Variants in SAMD9L observed in about 807,000 individuals in gnomAD.
SAMD9L encodes the protein sterile alpha motif domain containing 9 like, also known as sterile alpha motif domain-containing protein 9-like.
In SAMD9L, 68 loss-of-function variants were observed where a neutral mutation model predicts 90.7. The observed-to-expected ratio is 0.75, with a 90% CI of 0.62 to 0.92. SAMD9L has a LOEUF of 0.92. Among genes scored for constraint, SAMD9L ranks in the 40% least tolerant of loss-of-function variants. The pLI is 0.00. For synonymous variants in SAMD9L, 640 were observed against 630.1 expected, an observed-to-expected ratio of 1.02 and a Z score of -0.23; for missense variants, 1,604 against 1,824.3, an observed-to-expected ratio of 0.88 and a Z score of 2.20.
intron 1 of SAMD9L, among the ~76,000 whole-genome samples, chr7:93,147,856 G>A (rs987419023): frequency 5.9e-5 from 9 of 152,078 alleles, no homozygotes; most frequent in Non-Finnish European, 1.3e-4. Context: ...AAGATCACAC[G>A]TTCCTTTAGA....
intron 4 of SAMD9L, among the ~76,000 whole-genome samples, chr7:93,136,907 C>T (rs1294814140): frequency 2.0e-5 from 3 of 152,032 alleles, no homozygotes; most frequent in African/African-American, 4.8e-5. Context: ...CAGACAAGAC[C>T]AACAGCAGTG....
In SAMD9L at chr7:93,132,057, T is replaced by C. The variant is rs140467160; in HGVS notation, c.3915A>G (p.Glu1305=). 6.4e-5 allele frequency: 103 copies of C among 1,613,562 alleles called. 1 individual carries two copies. The highest frequency in any genetic ancestry group is 8.3e-5 in the Non-Finnish European group (98 of 1,179,822). ...KVSRCFRKYT[E]LFCHLDPCLL... ...GACATGGATCCAAATGACAGAAAAG[T>C]TCTGTGTATTTCCTGAAACAACGAC... Residue 1305 remains glutamate, a synonymous_variant, in exon 5 of 5, where the codon GAA becomes GAG. Coordinates refer to ENST00000318238, the MANE Select transcript of SAMD9L (RefSeq NM_152703.5).
rs1792903463 is a variant in SAMD9L, at chr7:93,146,702, A to G, written c.-779+181T>C. 2.0e-5 allele frequency among the ~76,000 whole-genome samples: 3 copies of G among 152,350 alleles called. No individual in the cohort carries two copies. In the South Asian group the frequency reaches 6.2e-4, roughly 32 times the overall value. The stretch of plus-strand genomic sequence containing the variant: ...AATTATTTCGCTTGGCTGGAACTCC[A>G]GGTAGAAATCTGGGGAAATCTCTTT... On this transcript the variant is annotated intron_variant, in intron 2 of 4. Coordinates refer to ENST00000318238, the MANE Select transcript of SAMD9L (RefSeq NM_152703.5).
At chr7:93,148,033 A>G (rs1792959457) in intron 1 of SAMD9L, among the ~76,000 whole-genome samples, 161 bp downstream of exon 1, 1 of 152,352 alleles carries the variant, frequency 6.6e-6, no homozygotes, top group Admixed American at 6.5e-5. Context: ...ATATACTGAC[A>G]TGTATTTAAT....
At chr7:93,141,577 T>A (rs766931731) in intron 4 of SAMD9L, among the ~76,000 whole-genome samples, 4 of 152,216 alleles carry the variant, frequency 2.6e-5, no homozygotes, top group Non-Finnish European at 5.9e-5. Flanking sequence ...CATTTTTTAC[T>A]GCTTTTTTTT....
In SAMD9L at chr7:93,130,173, G is replaced by A. The variant is rs1471886204; in HGVS notation, c.*1044C>T. 6.6e-6 allele frequency: 1 copy of A among 152,186 alleles called. No homozygotes were observed. The highest frequency in any genetic ancestry group is 6.6e-5 in the Admixed American group (1 of 15,266). The allele number at this position is 152,186 out of a possible 1,614,324, so 9.4% of individuals were successfully genotyped here. On this transcript the variant is annotated 3_prime_UTR_variant, in exon 5 of 5. Transcript: ENST00000318238. ...AAGCTCTAGAATGCTGCTTGAGACT[G>A]TTCTGGCTGTTGTGCATCTGAGAAT...
At position 93,132,546 on chromosome 7, in the gene SAMD9L, C is replaced by T. The variant is rs767203750; in HGVS notation, c.3426G>A (p.Arg1142=). The T allele has an allele frequency of 1.9e-6, 3 of 1,613,826 alleles. No homozygotes were observed. The highest frequency in any genetic ancestry group is 3.3e-5 in the Admixed American group (2 of 59,984). Residue 1142 remains arginine, a synonymous_variant, in exon 5 of 5, where the codon AGG becomes AGA. Coordinates refer to ENST00000318238, the MANE Select transcript of SAMD9L (RefSeq NM_152703.5). The part of the protein sequence containing the change: ...KWWLDGNKNC[R]SITVNDLTHL... ...GTGTTAGGTCATTAACAGTAATGCT[C>T]CTACAGTTTTTGTTCCCATCCAACC...
chr7:93,132,051 G>C lies in SAMD9L; in HGVS notation c.3921C>G (p.Phe1307Leu). The part of the protein sequence containing the change: ...SRCFRKYTEL[F>L]CHLDPCLLQS... ...GTAATAGACATGGATCCAAATGACA[G>C]AAAAGTTCTGTGTATTTCCTGAAAC... Residue 1307 changes from phenylalanine (F) to leucine (L), a missense_variant, in exon 5 of 5, where the codon TTC (phenylalanine) becomes TTG (leucine). This residue lies in a region of SAMD9L where 282 missense variants were observed against 329.6 expected (regional missense o/e 0.86). Coordinates refer to ENST00000318238, the MANE Select transcript of SAMD9L (RefSeq NM_152703.5). The C allele has an allele frequency of 1.2e-6, 2 of 1,613,688 alleles. No individual in the cohort carries two copies. Among genetic ancestry groups the C allele is most frequent in the Non-Finnish European group, 1.7e-6 (2 of 1,179,830 alleles).
At position 93,132,171 on chromosome 7, in the gene SAMD9L, G is replaced by A. The variant is rs1262393263; in HGVS notation, c.3801C>T (p.Cys1267=). The change falls in exon 5 of 5, where the codon TGC becomes TGT. Residue 1267 remains cysteine (C), a synonymous_variant. Transcript: ENST00000318238. ...LKNLQSDLKR[C]FDFFIDYMVL... is the part of the protein sequence containing the mutation. The stretch of plus-strand genomic sequence containing the variant: ...CCATATAATCAATAAAAAAGTCAAA[G>A]CACCTTTTCAGATCTGATTGTAAAT... 6.2e-7 allele frequency: 1 copy of A among 1,613,236 alleles called. No individual in the cohort carries two copies.
intron 4 of SAMD9L, among the ~76,000 whole-genome samples, chr7:93,141,991 T>A (rs1283398837): frequency 6.6e-6 from 1 of 152,222 alleles, no homozygotes; most frequent in Non-Finnish European, 1.5e-5. Context: ...GTTGTCTTAC[T>A]GTTCCTCAAA....
Position 93,139,394 on chromosome 7 carries a change from T to C in SAMD9L, c.-20-3403A>G, listed in dbSNP as rs1307162655. Among the ~76,000 whole-genome samples, 6 of 152,292 alleles carry C rather than the reference T, an allele frequency of 3.9e-5. No individual in the cohort carries two copies. In the East Asian group the frequency reaches 1.2e-3, roughly 29 times the overall value. ...TTTGGAGACAGGATTGTTGTAGATG[T>C]AATTAGTTGACATGAAGTTATAGTG... On this transcript the variant is annotated intron_variant, in intron 4 of 4. Transcript: ENST00000318238.
In SAMD9L at chr7:93,132,593, AGACTTGAC is replaced by A; in HGVS notation, c.3371_3378del (p.Gly1124ValfsTer4). The A allele has an allele frequency of 6.2e-7, 1 of 1,613,792 alleles. No homozygotes were observed. Among genetic ancestry groups the A allele is most frequent in the Non-Finnish European group, 8.5e-7 (1 of 1,179,814 alleles). On this transcript the variant is annotated frameshift_variant, in exon 5 of 5. Transcript: ENST00000318238. LOFTEE classifies it high-confidence loss of function. ...AACCACCATTTGATTTCACTTTTGT[AGACTTGAC>A]CTAGTGTATCTGAAATATAGGAATT...
At chr7:93,136,036 T>C (rs1322228784) in intron 4 of SAMD9L, 45 bp from the exon 5 acceptor site, 2 of 1,283,928 alleles carry the variant, frequency 1.6e-6, no homozygotes, top group South Asian at 3.3e-5. Context: ...TATACTTTAT[T>C]TTTAAAATCA....
chr7:93,135,689 G>A lies in SAMD9L; in HGVS notation c.283C>T (p.Pro95Ser), dbSNP rs1187623931. Reference sequence around the variant, plus strand: ...TTTTTCTGGTGTTCTGTTTTGGACGGTTTTGAATTATCTAATTGTCCCGGA... The same window carrying A: ...TTTTTCTGGTGTTCTGTTTTGGACGATTTTGAATTATCTAATTGTCCCGGA... ...HDPGQLDNSK[P>S]SKTEHQKNPK... Residue 95 changes from proline to serine, a missense_variant, in exon 5 of 5, where the codon CCG becomes TCG. By Grantham distance (74) the Pro-to-Ser change is moderately conservative (BLOSUM62 -1). Coordinates refer to ENST00000318238, the MANE Select transcript of SAMD9L (RefSeq NM_152703.5). 3.1e-6 allele frequency: 5 copies of A among 1,613,978 alleles called. No individual in the cohort carries two copies. In the South Asian group the frequency reaches 4.4e-5, roughly 14 times the overall value.
At chr7:93,136,022 G>A in intron 4 of SAMD9L, 31 bp from the exon 5 acceptor site, 1 of 1,367,624 alleles carries the variant, frequency 7.3e-7, no homozygotes, top group Non-Finnish European at 9.8e-7. Flanking sequence ...AAGTATTTTA[G>A]AATTATACTT....
At position 93,135,669 on chromosome 7, in the gene SAMD9L, C is replaced by T. The variant is rs1133906; in HGVS notation, c.303G>A (p.Gln101=). 272,862 of 1,613,698 alleles carry T rather than the reference C, an allele frequency of 0.17. 36,117 individuals carry two copies. Among genetic ancestry groups the T allele is most frequent in the African/African-American group, 0.57 (42,545 of 74,900 alleles). The change falls in exon 5 of 5, where the codon CAG becomes CAA. Residue 101 remains glutamine (Q), a synonymous_variant. Coordinates refer to ENST00000318238, the MANE Select transcript of SAMD9L (RefSeq NM_152703.5). ...DNSKPSKTEH[Q]KNPKHTKKEE... The stretch of plus-strand genomic sequence containing the variant: ...CCTTTTTGGTGTGTTTTGGATTTTT[C>T]TGGTGTTCTGTTTTGGACGGTTTTG...
chr7:93,134,725 C>T lies in SAMD9L; in HGVS notation c.1247G>A (p.Trp416Ter). The T allele has an allele frequency of 6.2e-7, 1 of 1,613,336 alleles. No homozygotes were observed. The highest frequency in any genetic ancestry group is 8.5e-7 in the Non-Finnish European group (1 of 1,179,878). The change falls in exon 5 of 5, where the codon TGG becomes TAG. Residue 416 changes from tryptophan (W) to a stop codon, truncating the protein, a stop_gained. Coordinates refer to ENST00000318238, the MANE Select transcript of SAMD9L (RefSeq NM_152703.5). LOFTEE classifies it low-confidence loss of function (END_TRUNC). Reference sequence around the variant, plus strand: ...GCATTTATTTGTTACAAGAATGTACCAGTCATAGTATGAATTATCCAGTGA... The same window carrying T: ...GCATTTATTTGTTACAAGAATGTACTAGTCATAGTATGAATTATCCAGTGA... ...RDSLDNSYYD[W>*]YILVTNKCHP...
rs1792438904 is a variant in SAMD9L, at chr7:93,136,010, A to G, written c.-20-19T>C. ...CTTCTTCCTGAGACAAAGCAATATA[A>G]TAAGTATTTTAGAATTATACTTTAT... On this transcript the variant is annotated intron_variant, in intron 4 of 4. Transcript: ENST00000318238. 6.8e-7 allele frequency: 1 copy of G among 1,464,432 alleles called. No homozygotes were observed. Among genetic ancestry groups the G allele is most frequent in the Non-Finnish European group, 9.1e-7 (1 of 1,099,056 alleles). The allele number at this position is 1,464,432 out of a possible 1,614,324, so 90.7% of individuals were successfully genotyped here. A position where few individuals can be genotyped will look rare whatever the true frequency, so the allele number is the denominator to read the frequency against.
rs1413436101 is a variant in SAMD9L, at chr7:93,135,088, T to C, written c.884A>G (p.Gln295Arg). The C allele has an allele frequency of 6.2e-7, 1 of 1,613,056 alleles. No homozygotes were observed. Residue 295 changes from glutamine to arginine, a missense_variant, in exon 5 of 5, where the codon CAG becomes CGG. Coordinates refer to ENST00000318238, the MANE Select transcript of SAMD9L (RefSeq NM_152703.5). Reference protein sequence around the residue: ...REPRFVEVLLQNNTPSDRFVI... With the variant: ...REPRFVEVLLRNNTPSDRFVI... ...AAATCTGTCAGATGGTGTATTGTTC[T>C]GCAGAAGGACTTCCACAAACCTTGG...
Sources: gnomAD v4.1 joint callset for allele counts (sites outside exome capture counted in the v4.1 genomes callset) on GRCh38, gnomAD v4.1.1 for gene constraint, gnomAD v4.1.1 regional missense constraint, MANE v1.5 for transcripts, NCBI Gene and HGNC (gene_info 2026-07-23, HGNC 2026-07-21) for gene names.